The following PPP4R3C variants were observed in gnomAD, a reference collection of about 807,000 sequenced individuals.
PPP4R3C encodes the protein protein phosphatase 4 regulatory subunit 3C, also known as protein PPP4R3C.
For missense variants in PPP4R3C, 372 were observed against 237.3 expected, an observed-to-expected ratio of 1.57 and a Z score of -3.73; for synonymous variants, 150 against 86.5, an observed-to-expected ratio of 1.73 and a Z score of -4.07.
Position 27,462,533 on chromosome X carries a change from G to A in PPP4R3C, c.764C>T (p.Thr255Ile). ...TATTTTTTGCCTAAGTTCAGAGTTA[G>A]TTATTGGTATAACTTCCTTGAACTT... Reference protein sequence around the residue: ...DAKFKEVIPITNSELRQKIHQ... With the variant: ...DAKFKEVIPIINSELRQKIHQ... Residue 255 changes from threonine to isoleucine, a missense_variant, in exon 1 of 1, where the codon ACT (threonine) becomes ATT (isoleucine). By Grantham distance (89) the Thr-to-Ile change is moderately conservative. Coordinates refer to ENST00000412172, the MANE Select transcript of PPP4R3C (RefSeq NM_207319.4). 1.8e-6 allele frequency: 1 copy of A among 541,220 alleles called. No individual in the cohort carries two copies. The highest frequency in any genetic ancestry group is 3.3e-6 in the Non-Finnish European group (1 of 299,072). 44.6% of individuals were successfully genotyped at this position (541,220 alleles called of 1,213,427 possible). A position where few individuals can be genotyped will look rare whatever the true frequency, so the allele number is the denominator to read the frequency against.
At position 27,462,281 on chromosome X, in the gene PPP4R3C, T is replaced by A; in HGVS notation, c.1016A>T (p.Glu339Val). The A allele has an allele frequency of 1.9e-6, 1 of 514,269 alleles. No individual in the cohort carries two copies. 42.4% of individuals were successfully genotyped at this position (514,269 alleles called of 1,213,427 possible). Reference protein sequence around the residue: ...RRCELLFFFKELCSFSQALQP... With the variant: ...RRCELLFFFKVLCSFSQALQP... The stretch of plus-strand genomic sequence containing the variant: ...TAATGCCTGAGAAAATGAACATAAC[T>A]CCTTGAAAAAAAATAGCAATTCACA... The change falls in exon 1 of 1, where the codon GAG becomes GTG. Residue 339 changes from glutamate (E) to valine (V), a missense_variant. Physicochemically the swap from Glu to Val is moderately radical, Grantham distance 121 (BLOSUM62 -2). Transcript: ENST00000412172.
In PPP4R3C at chrX:27,460,210, T is replaced by G. The variant is rs1922926640; in HGVS notation, c.*588A>C. 8.9e-6 allele frequency: 1 copy of G among 112,259 alleles called. No individual in the cohort carries two copies. Among genetic ancestry groups the G allele is most frequent in the African/African-American group, 3.2e-5 (1 of 30,899 alleles). The allele number at this position is 112,259 out of a possible 1,213,427, so 9.3% of individuals were successfully genotyped here. On this transcript the variant is annotated 3_prime_UTR_variant, in exon 1 of 1. Transcript: ENST00000412172. ...AATAAAAACAAATAACCACACATTG[T>G]AAATCCAGCTTGCTTTTTTAATGAA...
chrX:27,460,929 T>C lies in PPP4R3C; in HGVS notation c.2368A>G (p.Ser790Gly), dbSNP rs1036049306. The C allele has an allele frequency of 9.7e-6, 5 of 513,127 alleles. No individual in the cohort carries two copies. Among genetic ancestry groups the C allele is most frequent in the African/African-American group, 6.9e-5 (3 of 43,212 alleles). 42.3% of individuals were successfully genotyped at this position (513,127 alleles called of 1,213,427 possible). The change falls in exon 1 of 1, where the codon AGT (serine) becomes GGT (glycine). Residue 790 changes from serine (S) to glycine (G), a missense_variant. Transcript: ENST00000412172. ...ACAAIGTGSP[S>G]GSSVVRLVDH... is the part of the protein sequence containing the mutation. ...ACTAAACGAACCACACTGCTACCACTTGGGCTACCTGTTCCAATAGCAGCA... is the reference window on the plus strand; with the variant it reads ...ACTAAACGAACCACACTGCTACCACCTGGGCTACCTGTTCCAATAGCAGCA...
In PPP4R3C at chrX:27,462,235, T is replaced by C; in HGVS notation, c.1062A>G (p.Ala354=). The C allele has an allele frequency of 1.9e-6, 1 of 514,882 alleles. No individual in the cohort carries two copies. The highest frequency in any genetic ancestry group is 3.5e-6 in the Non-Finnish European group (1 of 286,967). 42.4% of individuals were successfully genotyped at this position (514,882 alleles called of 1,213,427 possible). The part of the protein sequence containing the change: ...SQALQPQSKD[A]LFETLIQLGV... ...CCAACTGTATCAACGTTTCAAATAG[T>C]GCATCCTTGCTTTGAGGCTGTAATG... Residue 354 remains alanine (A), a synonymous_variant, in exon 1 of 1, where the codon GCA becomes GCG. Coordinates refer to ENST00000412172, the MANE Select transcript of PPP4R3C (RefSeq NM_207319.4).
Position 27,460,224 on chromosome X carries a change from T to G in PPP4R3C, c.*574A>C, listed in dbSNP as rs1413634395. ...ACCACACATTGTAAATCCAGCTTGC[T>G]TTTTTAATGAATGAAAGTACACTCT... is the stretch of plus-strand genomic sequence containing the variant. On this transcript the variant is annotated 3_prime_UTR_variant, in exon 1 of 1. Transcript: ENST00000412172. The G allele has an allele frequency of 8.9e-6, 1 of 112,399 alleles. No homozygotes were observed. Among genetic ancestry groups the G allele is most frequent in the Non-Finnish European group, 1.9e-5 (1 of 53,342 alleles). The allele number at this position is 112,399 out of a possible 1,213,427, so 9.3% of individuals were successfully genotyped here. A position where few individuals can be genotyped will look rare whatever the true frequency, so the allele number is the denominator to read the frequency against.
At position 27,460,230 on chromosome X, in the gene PPP4R3C, A is replaced by G. The variant is rs1922927527; in HGVS notation, c.*568T>C. The G allele has an allele frequency of 3.6e-5, 4 of 112,366 alleles. No individual in the cohort carries two copies. Among genetic ancestry groups the G allele is most frequent in the Admixed American group, 2.8e-4 (3 of 10,596 alleles). 9.3% of individuals were successfully genotyped at this position (112,366 alleles called of 1,213,427 possible). On this transcript the variant is annotated 3_prime_UTR_variant, in exon 1 of 1. Transcript: ENST00000412172. ...CATTGTAAATCCAGCTTGCTTTTTT[A>G]ATGAATGAAAGTACACTCTGAAAGC...
chrX:27,460,880 T>C lies in PPP4R3C; in HGVS notation c.2417A>G (p.Glu806Gly). The C allele has an allele frequency of 1.9e-6, 1 of 514,045 alleles. No individual in the cohort carries two copies. Among genetic ancestry groups the C allele is most frequent in the South Asian group, 2.5e-5 (1 of 40,316 alleles). 42.4% of individuals were successfully genotyped at this position (514,045 alleles called of 1,213,427 possible). The change falls in exon 1 of 1, where the codon GAA (glutamate) becomes GGA (glycine). Residue 806 changes from glutamate (E) to glycine (G), a missense_variant. Coordinates refer to ENST00000412172, the MANE Select transcript of PPP4R3C (RefSeq NM_207319.4). ...RLVDHPDDEE[E>G]KEEDEEEKEE... ...TTTTTCTTCTTCATCTTCCTCTTTT[T>C]CTTCTTCATCATCTGGATGATCCAC...
chrX:27,461,247 A>C lies in PPP4R3C; in HGVS notation c.2050T>G (p.Cys684Gly), dbSNP rs1006206111. Residue 684 changes from cysteine (C) to glycine (G), a missense_variant, in exon 1 of 1, where the codon TGT becomes GGT. By Grantham distance (159) the Cys-to-Gly change is radical. Coordinates refer to ENST00000412172, the MANE Select transcript of PPP4R3C (RefSeq NM_207319.4). ...ACTTCTCCTGCATCTTCCATAAAAC[A>C]TATTTCTTCTTCCAGCCCAATTTCT... ...IEEIGLEEEI[C>G]FMEDAGEVVM... The C allele has an allele frequency of 3.9e-6, 2 of 515,186 alleles. No homozygotes were observed. The highest frequency in any genetic ancestry group is 5.3e-5 in the Admixed American group (2 of 37,897). 42.5% of individuals were successfully genotyped at this position (515,186 alleles called of 1,213,427 possible).
In PPP4R3C at chrX:27,460,709, T is replaced by C. The variant is rs1218501588; in HGVS notation, c.*89A>G. 4.7e-6 allele frequency: 2 copies of C among 421,331 alleles called. No homozygotes were observed. The highest frequency in any genetic ancestry group is 5.0e-5 in the African/African-American group (2 of 39,926). The allele number at this position is 421,331 out of a possible 1,213,427, so 34.7% of individuals were successfully genotyped here. On this transcript the variant is annotated 3_prime_UTR_variant, in exon 1 of 1. Coordinates refer to ENST00000412172, the MANE Select transcript of PPP4R3C (RefSeq NM_207319.4). ...TGTGATTTATCATTATAAGTTCACA[T>C]GAAAAAGCTTGTGGAATCAGTCTTT...
Position 27,460,222 on chromosome X carries a change from G to T in PPP4R3C, c.*576C>A, listed in dbSNP as rs1372594747. On this transcript the variant is annotated 3_prime_UTR_variant, in exon 1 of 1. Transcript: ENST00000412172. ...TAACCACACATTGTAAATCCAGCTT[G>T]CTTTTTTAATGAATGAAAGTACACT... 2 of 111,931 alleles carry T rather than the reference G, an allele frequency of 1.8e-5. No homozygotes were observed. Among genetic ancestry groups the T allele is most frequent in the Non-Finnish European group, 3.8e-5 (2 of 53,221 alleles). 9.2% of individuals were successfully genotyped at this position (111,931 alleles called of 1,213,427 possible).
chrX:27,460,255 C>G lies in PPP4R3C; in HGVS notation c.*543G>C, dbSNP rs778804070. On this transcript the variant is annotated 3_prime_UTR_variant, in exon 1 of 1. Coordinates refer to ENST00000412172, the MANE Select transcript of PPP4R3C (RefSeq NM_207319.4). ...AATGAATGAAAGTACACTCTGAAAG[C>G]TACTTCCTTCCAATTACTTATAAGC... 8.9e-6 allele frequency: 1 copy of G among 112,266 alleles called. No individual in the cohort carries two copies. The highest frequency in any genetic ancestry group is 1.9e-5 in the Non-Finnish European group (1 of 53,276). The allele number at this position is 112,266 out of a possible 1,213,427, so 9.3% of individuals were successfully genotyped here.
Position 27,460,829 on chromosome X carries a change from G to T in PPP4R3C, c.2468C>A (p.Ser823Tyr). The change falls in exon 1 of 1, where the codon TCC (serine) becomes TAC (tyrosine). Residue 823 changes from serine (S) to tyrosine (Y), a missense_variant. Physicochemically the swap from Ser to Tyr is moderately radical, Grantham distance 144. Coordinates refer to ENST00000412172, the MANE Select transcript of PPP4R3C (RefSeq NM_207319.4). Reference sequence around the variant, plus strand: ...GCTAAGATGAGGTTTCTTCTTGGGGGATGTTTCATCTTCTTTATCTTCCTC... The same window carrying T: ...GCTAAGATGAGGTTTCTTCTTGGGGTATGTTTCATCTTCTTTATCTTCCTC... ...EKEEDKEDET[S>Y]PKKKPHLSS 2.0e-6 allele frequency: 1 copy of T among 510,589 alleles called. No homozygotes were observed. The highest frequency in any genetic ancestry group is 3.5e-6 in the Non-Finnish European group (1 of 285,568). 42.1% of individuals were successfully genotyped at this position (510,589 alleles called of 1,213,427 possible).
In PPP4R3C at chrX:27,462,154, T is replaced by C. The variant is rs1267901349; in HGVS notation, c.1143A>G (p.Ser381=). The C allele has an allele frequency of 1.9e-6, 1 of 513,379 alleles. No homozygotes were observed. The highest frequency in any genetic ancestry group is 2.3e-5 in the African/African-American group (1 of 43,251). 42.3% of individuals were successfully genotyped at this position (513,379 alleles called of 1,213,427 possible). The part of the protein sequence containing the change: ...VMIRDDLQVR[S]AAAVICAYLV... ...GATAAGCACATATAACTGCAGCAGCTGACCTTACTTGCAAATCATCCCTGA... is the reference window on the plus strand; with the variant it reads ...GATAAGCACATATAACTGCAGCAGCCGACCTTACTTGCAAATCATCCCTGA... The change falls in exon 1 of 1, where the codon TCA becomes TCG. Residue 381 remains serine, a synonymous_variant. Coordinates refer to ENST00000412172, the MANE Select transcript of PPP4R3C (RefSeq NM_207319.4).
Position 27,462,224 on chromosome X carries a change from G to C in PPP4R3C, c.1073C>G (p.Thr358Arg). 1.9e-6 allele frequency: 1 copy of C among 514,220 alleles called. No individual in the cohort carries two copies. The allele number at this position is 514,220 out of a possible 1,213,427, so 42.4% of individuals were successfully genotyped here. ...QPQSKDALFETLIQLGVLPAL... is the reference protein window; with the variant it reads ...QPQSKDALFERLIQLGVLPAL... Reference sequence around the variant, plus strand: ...AGGAAGAACTCCCAACTGTATCAACGTTTCAAATAGTGCATCCTTGCTTTG... The same window carrying C: ...AGGAAGAACTCCCAACTGTATCAACCTTTCAAATAGTGCATCCTTGCTTTG... Residue 358 changes from threonine (T) to arginine (R), a missense_variant, in exon 1 of 1, where the codon ACG (threonine) becomes AGG (arginine). Coordinates refer to ENST00000412172, the MANE Select transcript of PPP4R3C (RefSeq NM_207319.4).
At position 27,462,565 on chromosome X, in the gene PPP4R3C, G is replaced by A. The variant is rs781660355; in HGVS notation, c.732C>T (p.Asn244=). The A allele has an allele frequency of 9.0e-6, 5 of 555,591 alleles. No individual in the cohort carries two copies. The highest frequency in any genetic ancestry group is 2.3e-5 in the South Asian group (1 of 43,972). 45.8% of individuals were successfully genotyped at this position (555,591 alleles called of 1,213,427 possible). A position where few individuals can be genotyped will look rare whatever the true frequency, so the allele number is the denominator to read the frequency against. ...QPKRHRDFLT[N]DAKFKEVIPI... ...GTATAACTTCCTTGAACTTCGCATC[G>A]TTGGTCAAGAAGTCCCTATGCCTTT... is the stretch of plus-strand genomic sequence containing the variant. The change falls in exon 1 of 1, where the codon AAC becomes AAT. Residue 244 remains asparagine, a synonymous_variant. Coordinates refer to ENST00000412172, the MANE Select transcript of PPP4R3C (RefSeq NM_207319.4).
Position 27,461,366 on chromosome X carries a change from A to G in PPP4R3C, c.1931T>C (p.Ile644Thr). 1 of 514,909 alleles carries G rather than the reference A, an allele frequency of 1.9e-6. No individual in the cohort carries two copies. The highest frequency in any genetic ancestry group is 2.5e-5 in the South Asian group (1 of 40,286). The allele number at this position is 514,909 out of a possible 1,213,427, so 42.4% of individuals were successfully genotyped here. A position where few individuals can be genotyped will look rare whatever the true frequency, so the allele number is the denominator to read the frequency against. Residue 644 changes from isoleucine (I) to threonine (T), a missense_variant, in exon 1 of 1, where the codon ATT becomes ACT. By Grantham distance (89) the Ile-to-Thr change is moderately conservative. Transcript: ENST00000412172. Reference protein sequence around the residue: ...EYVQTFKGLKIKYEKERDRQS... With the variant: ...EYVQTFKGLKTKYEKERDRQS... ...TCTGTCTCTCTCTTTTTCATATTTA[A>G]TCTTCAATCCTTTGAATGTCTGAAC... is the stretch of plus-strand genomic sequence containing the variant.
In PPP4R3C at chrX:27,461,045, G is replaced by A. The variant is rs1395840174; in HGVS notation, c.2252C>T (p.Thr751Ile). The A allele has an allele frequency of 2.0e-6, 1 of 511,377 alleles. No individual in the cohort carries two copies. Among genetic ancestry groups the A allele is most frequent in the African/African-American group, 2.3e-5 (1 of 42,639 alleles). 42.1% of individuals were successfully genotyped at this position (511,377 alleles called of 1,213,427 possible). A position where few individuals can be genotyped will look rare whatever the true frequency, so the allele number is the denominator to read the frequency against. ...GCCTTCATGTTCTTGGTTTCTTTTA[G>A]TCTCCATAAATTCATCGTCATCTTC... ...PLEDDDEFME[T>I]KRNQEHEGKV... Residue 751 changes from threonine (T) to isoleucine (I), a missense_variant, in exon 1 of 1, where the codon ACT becomes ATT. Transcript: ENST00000412172.
chrX:27,463,102 G>A lies in PPP4R3C; in HGVS notation c.195C>T (p.Tyr65=), dbSNP rs1923006613. ...CATACCAAACAATTAGTGTCTCTTG[G>A]TATTTCCCATAGGGCCTGTCTGGAG... ...QIPPDRPYGK[Y]QETLIVWYEA... The change falls in exon 1 of 1, where the codon TAC becomes TAT. Residue 65 remains tyrosine, a synonymous_variant. Transcript: ENST00000412172. 5 of 512,325 alleles carry A rather than the reference G, an allele frequency of 9.8e-6. No individual in the cohort carries two copies. Among genetic ancestry groups the A allele is most frequent in the Admixed American group, 5.3e-5 (2 of 37,457 alleles). 42.2% of individuals were successfully genotyped at this position (512,325 alleles called of 1,213,427 possible). A position where few individuals can be genotyped will look rare whatever the true frequency, so the allele number is the denominator to read the frequency against.
At position 27,461,360 on chromosome X, in the gene PPP4R3C, T is replaced by C. The variant is rs1922961589; in HGVS notation, c.1937A>G (p.Tyr646Cys). The change falls in exon 1 of 1, where the codon TAT (tyrosine) becomes TGT (cysteine). Residue 646 changes from tyrosine (Y) to cysteine (C), a missense_variant. By Grantham distance (194) the Tyr-to-Cys change is radical. Transcript: ENST00000412172. ...ACTTTGTCTGTCTCTCTCTTTTTCA[T>C]ATTTAATCTTCAATCCTTTGAATGT... ...VQTFKGLKIK[Y>C]EKERDRQSQI... 1.9e-6 allele frequency: 1 copy of C among 514,026 alleles called. No individual in the cohort carries two copies. The highest frequency in any genetic ancestry group is 2.3e-5 in the African/African-American group (1 of 43,413). 42.4% of individuals were successfully genotyped at this position (514,026 alleles called of 1,213,427 possible).
Sources: allele counts gnomAD v4.1 joint callset, GRCh38; gene constraint gnomAD v4.1.1; transcripts MANE v1.5; gene names NCBI Gene and HGNC (gene_info 2026-07-23, HGNC 2026-07-21).